The following C17orf75 variants were observed in gnomAD, a reference collection of about 807,000 sequenced individuals.
The protein encoded by C17orf75 is protein Njmu-R1.
C17orf75 carries 32 observed loss-of-function variants against 49.6 expected under a neutral mutation model. The observed-to-expected ratio is 0.65, with a 90% CI of 0.49 to 0.87. The LOEUF is 0.87. Among genes scored for constraint, C17orf75 ranks in the 40% least tolerant of loss-of-function variants. The probability of loss-of-function intolerance (pLI) is 0.00; values close to 1 mark genes in which losing one functional copy is unlikely to be tolerated. For missense variants in C17orf75, 428 were observed against 473.9 expected, an observed-to-expected ratio of 0.90 and a Z score of 0.90; for synonymous variants, 158 against 159.5, an observed-to-expected ratio of 0.99 and a Z score of 0.07.
exon 1 of C17orf75, chr17:32,349,973 C>T (rs2041468957): frequency 8.3e-7 from 1 of 1,203,974 alleles, no homozygotes; most frequent in African/African-American, 1.5e-5. Flanking sequence ...AAATGAAACC[C>T]AAAGTGCTCC....
chr17:32,336,920 T>G (rs1350709250), intron 5 of C17orf75, among the ~76,000 whole-genome samples: 1 of 151,456 alleles, frequency 6.6e-6, no homozygotes, highest in Non-Finnish European at 1.5e-5. Context: ...CCGAGGCAGG[T>G]GGATTACTTG....
intron 5 of C17orf75, among the ~76,000 whole-genome samples, chr17:32,336,870 G>C (rs1395360261): frequency 6.6e-6 from 1 of 152,188 alleles, no homozygotes; most frequent in Non-Finnish European, 1.5e-5. Context: ...TGTAGGCTGG[G>C]TGCAGTGGTT....
chr17:32,348,123 T>G (rs1469310429), intron 1 of C17orf75, among the ~76,000 whole-genome samples: 1 of 151,996 alleles, frequency 6.6e-6, no homozygotes, highest in Non-Finnish European at 1.5e-5. Flanking sequence ...GTTCAAGCGA[T>G]TCTCCTGCCT....
At chr17:32,333,798 T>C (rs1051235563) in intron 8 of C17orf75, among the ~76,000 whole-genome samples, 2 of 152,144 alleles carry the variant, frequency 1.3e-5, no homozygotes, top group Non-Finnish European at 2.9e-5. Flanking sequence ...ACACCTATAA[T>C]GAATTATTTA....
upstream of C17orf75, chr17:32,342,203 C>T (rs2041389195): frequency 2.1e-6 from 3 of 1,446,150 alleles, no homozygotes; most frequent in East Asian, 2.9e-5. Flanking sequence ...GTGCAGCCGT[C>T]GGTATCAGGG....
intron 5 of C17orf75, among the ~76,000 whole-genome samples, chr17:32,335,925 A>G (rs1426901415): frequency 1.3e-5 from 2 of 152,184 alleles, no homozygotes; most frequent in Non-Finnish European, 2.9e-5. Flanking sequence ...GAAGGATACA[A>G]GTAACTCATC....
intron 2 of C17orf75, among the ~76,000 whole-genome samples, chr17:32,340,467 C>T (rs947749954): frequency 1.3e-5 from 2 of 151,866 alleles, no homozygotes; most frequent in Admixed American, 1.3e-4. Flanking sequence ...AGTGAAACCC[C>T]GTCTCTACTA....
intron 1 of C17orf75, among the ~76,000 whole-genome samples, chr17:32,348,592 C>A (rs1020847442): frequency 1.3e-5 from 2 of 152,166 alleles, no homozygotes; most frequent in African/African-American, 4.8e-5. Flanking sequence ...ATGCTAAGCT[C>A]TGTTTTAAGT....
chr17:32,339,408 TAAAAA>T (rs574223196), intron 3 of C17orf75, among the ~76,000 whole-genome samples: 1 of 114,862 alleles, frequency 8.7e-6, no homozygotes, highest in Non-Finnish European at 1.9e-5. Context: ...ACCCCATTTC[TAAAAA>T]AAAAAAAAAA....
upstream of C17orf75, among the ~76,000 whole-genome samples, chr17:32,345,432 TGCCACTGCTCTCCA>T (rs2041418023): frequency 6.6e-6 from 1 of 152,100 alleles, no homozygotes; most frequent in Admixed American, 6.6e-5. Flanking sequence ...GCCAAGATCA[TGCCACTGCTCTCCA>T]GCCTGGGCAA....
At chr17:32,349,281 T>G (rs902372272) in intron 1 of C17orf75, among the ~76,000 whole-genome samples, 2 of 152,028 alleles carry the variant, frequency 1.3e-5, no homozygotes, top group African/African-American at 4.8e-5. Context: ...TCCCGTTGAC[T>G]CCTCAAGAAA....
upstream of C17orf75, among the ~76,000 whole-genome samples, chr17:32,347,055 C>T (rs2041430316): frequency 6.6e-6 from 1 of 151,970 alleles, no homozygotes; most frequent in African/African-American, 2.4e-5. Flanking sequence ...AGGTTCAAGC[C>T]TCAGCCTGGG....
At chr17:32,336,009 C>T (rs2041322150) in intron 5 of C17orf75, among the ~76,000 whole-genome samples, 2 of 152,172 alleles carry the variant, frequency 1.3e-5, no homozygotes, top group South Asian at 2.1e-4. Context: ...TATACTGCTC[C>T]CTGAAGACTA....
intron 9 of C17orf75, among the ~76,000 whole-genome samples, 191 bp downstream of exon 9, chr17:32,333,226 A>G (rs1346806185): frequency 6.6e-6 from 1 of 152,320 alleles, no homozygotes; most frequent in East Asian, 1.9e-4. Context: ...ATTCAACCCA[A>G]TTTATTAGAA....
chr17:32,345,556 G>A (rs1217413675), upstream of C17orf75, among the ~76,000 whole-genome samples: 2 of 151,348 alleles, frequency 1.3e-5, no homozygotes, highest in East Asian at 2.0e-4. Context: ...CCCTGGCCGG[G>A]CGCGGTGGCT....
upstream of C17orf75, chr17:32,342,395 A>T: frequency 4.9e-6 from 2 of 408,202 alleles, no homozygotes; most frequent in Non-Finnish European, 7.9e-6. Context: ...GACATCTGGG[A>T]AACTTTCTAT....
chr17:32,341,012 T>C, intron 2 of C17orf75, 192 bp downstream of exon 2: 1 of 622,724 alleles, frequency 1.6e-6, no homozygotes, highest in Non-Finnish European at 2.9e-6. Flanking sequence ...TATCAGTATG[T>C]GGATTTGTTT....
chr17:32,347,885 A>T (rs2041437182), intron 1 of C17orf75, among the ~76,000 whole-genome samples: 1 of 151,460 alleles, frequency 6.6e-6, no homozygotes, highest in Non-Finnish European at 1.5e-5. Context: ...TTTTCAATTT[A>T]TTTTTTCATA....
Position 32,333,345 on chromosome 17 carries a change from C to T in C17orf75, c.975+72G>A, listed in dbSNP as rs899996473. The T allele has an allele frequency of 1.6e-4, 170 of 1,046,294 alleles. No individual in the cohort carries two copies. The African/African-American group carries it at 2.2e-3, about 14-fold the overall frequency. 64.8% of individuals were successfully genotyped at this position (1,046,294 alleles called of 1,614,324 possible). A position where few individuals can be genotyped will look rare whatever the true frequency, so the allele number is the denominator to read the frequency against. On this transcript the variant is annotated intron_variant, in intron 9 of 9. Transcript: ENST00000577809. ...ATCACAGCTATAAAGCAATTTGTTA[C>T]TCTGTCACTGGTACTAATTAAAATT...
Sources: allele counts gnomAD v4.1 joint callset (sites outside exome capture counted in the v4.1 genomes callset), GRCh38; gene constraint gnomAD v4.1.1; transcripts MANE v1.5; gene names NCBI Gene and HGNC (gene_info 2026-07-23, HGNC 2026-07-21).